The following PRPSAP1 variants were observed in gnomAD, a reference collection of about 807,000 sequenced individuals.
The protein encoded by PRPSAP1 is phosphoribosyl pyrophosphate synthase-associated protein 1.
In PRPSAP1, 31 loss-of-function variants were observed where a neutral mutation model predicts 39.4. The ratio of observed to expected loss-of-function variants is 0.79; its 90% CI spans 0.59 to 1.06. The LOEUF (loss-of-function observed/expected upper bound fraction) is 1.06. Among genes scored for constraint, PRPSAP1 ranks in the 50% least tolerant of loss-of-function variants. The pLI is 0.00. For missense variants in PRPSAP1, 430 were observed against 511.6 expected (o/e 0.84, Z 1.54); for synonymous variants, 212 against 192.6 (o/e 1.10, Z -0.83).
rs2071608366 is a variant in PRPSAP1 at position 76,353,711 on chromosome 17, C to T, written c.-8G>A. ...CAGCAGCTTCTTGGGCATCGTCCGG[C>T]CCGCGGCGCGGTTACGACCGGCCCC... is the stretch of plus-strand genomic sequence containing the variant. On this transcript the variant is annotated 5_prime_UTR_variant, in exon 1 of 10. Transcript: ENST00000446526. 6.9e-7 allele frequency: 1 copy of T among 1,457,116 alleles called. No homozygotes were observed. Among genetic ancestry groups the T allele is most frequent in the African/African-American group, 1.5e-5 (1 of 67,500 alleles). 90.3% of individuals were successfully genotyped at this position (1,457,116 alleles called of 1,614,324 possible).
In PRPSAP1 at chr17:76,353,686, C is replaced by T. The variant is rs1391307287; in HGVS notation, c.18G>A (p.Leu6=). The T allele has an allele frequency of 1.3e-6, 2 of 1,505,134 alleles. No individual in the cohort carries two copies. Among genetic ancestry groups the T allele is most frequent in the South Asian group, 1.3e-5 (1 of 79,456 alleles). The allele number at this position is 1,505,134 out of a possible 1,614,324, so 93.2% of individuals were successfully genotyped here. MPKKL[L]LLPPPSASSA... ...AGGACGCGGAGGGCGGGGGCAACAG[C>T]AGCAGCTTCTTGGGCATCGTCCGGC... is the stretch of plus-strand genomic sequence containing the variant. Residue 6 remains leucine, a synonymous_variant, in exon 1 of 10, where the codon CTG becomes CTA. Coordinates refer to ENST00000446526, the MANE Select transcript of PRPSAP1 (RefSeq NM_002766.3).
rs1042757349 is a variant in PRPSAP1, at chr17:76,332,438, G to T, written c.291-3C>A. 1.2e-5 allele frequency: 19 copies of T among 1,613,634 alleles called. 1 individual carries two copies. Among genetic ancestry groups the T allele is most frequent in the Non-Finnish European group, 1.5e-5 (18 of 1,179,728 alleles). ...CCATCACAGCTGTATTCACATCTCT[G>T]AAACAGTCAAAGTTTGTATTTGGGG... On this transcript the variant is annotated splice_polypyrimidine_tract_variant and splice_region_variant and intron_variant, in intron 3 of 9. Transcript: ENST00000446526.
At chr17:76,320,780 T>C (rs181578951) in intron 7 of PRPSAP1, among the ~76,000 whole-genome samples, 45 of 127,574 alleles carry the variant, frequency 3.5e-4, no homozygotes, top group Non-Finnish European at 4.5e-4. Context: ...GGAGCCATTT[T>C]TCTCTCTTTT....
At chr17:76,332,610 G>C (rs1252749186) in intron 3 of PRPSAP1, among the ~76,000 whole-genome samples, 175 bp from the exon 4 acceptor site, 1 of 152,142 alleles carries the variant, frequency 6.6e-6, no homozygotes, top group Admixed American at 6.6e-5. Context: ...ACTTTTTGTA[G>C]CTGAGTAAGC....
chr17:76,340,470 G>C lies in PRPSAP1; in HGVS notation c.290+4201C>G, dbSNP rs528224198. ...CCCCCAGCATCACTCTAGATTGCAC[G>C]TGTTAAATACTTATATTGAGCACTC... is the stretch of plus-strand genomic sequence containing the variant. On this transcript the variant is annotated intron_variant, in intron 3 of 9. Transcript: ENST00000446526. Among the ~76,000 whole-genome samples, 100 of 151,042 alleles carry C rather than the reference G, an allele frequency of 6.6e-4. 3 individuals carry two copies. The highest frequency in any genetic ancestry group is 2.4e-3 in the African/African-American group (96 of 40,452).
At position 76,320,582 on chromosome 17, in the gene PRPSAP1, G is replaced by A. The variant is rs760835471; in HGVS notation, c.782-6691C>T. On this transcript the variant is annotated intron_variant, in intron 7 of 9. Transcript: ENST00000446526. Reference sequence around the variant, plus strand: ...TGGGACTACAGGCACACACCACCACGTCCAGCTAATTTTTTTTTTTTTTTG... The same window carrying A: ...TGGGACTACAGGCACACACCACCACATCCAGCTAATTTTTTTTTTTTTTTG... Among the ~76,000 whole-genome samples, 31 of 145,626 alleles carry A rather than the reference G, an allele frequency of 2.1e-4. No homozygotes were observed. The East Asian group carries it at 2.8e-3, about 13-fold the overall frequency.
intron 3 of PRPSAP1, among the ~76,000 whole-genome samples, chr17:76,335,877 C>G (rs2071373127): frequency 6.6e-6 from 1 of 151,984 alleles, no homozygotes; most frequent in African/African-American, 2.4e-5. Flanking sequence ...ACCTGTAGTC[C>G]TAGCTATTCG....
At position 76,353,808 on chromosome 17, in the gene PRPSAP1, G is replaced by A. The variant is rs2071611120; in HGVS notation, c.-105C>T. ...GGGTGGGGAAGGCGCTGAGAAACTC[G>A]GCGCAAGCGGGGAGAGCTCCGAGGT... On this transcript the variant is annotated 5_prime_UTR_variant, in exon 1 of 10. Transcript: ENST00000446526. 7.2e-7 allele frequency: 1 copy of A among 1,387,680 alleles called. No individual in the cohort carries two copies. Among genetic ancestry groups the A allele is most frequent in the Non-Finnish European group, 9.3e-7 (1 of 1,079,166 alleles). 86.0% of individuals were successfully genotyped at this position (1,387,680 alleles called of 1,614,324 possible).
chr17:76,344,623 ATTG>A, intron 3 of PRPSAP1, 45 bp downstream of exon 3: 1 of 1,345,962 alleles, frequency 7.4e-7, no homozygotes. Flanking sequence ...AATCAATTAT[ATTG>A]TTAAGGTTTT....
At chr17:76,327,376 C>T (rs1377360753) in intron 7 of PRPSAP1, among the ~76,000 whole-genome samples, 3 of 132,014 alleles carry the variant, frequency 2.3e-5, no homozygotes, top group East Asian at 2.4e-4. Flanking sequence ...AAAAATAGGC[C>T]GGGCACGGTG....
chr17:76,351,245 G>A (rs979234240), intron 1 of PRPSAP1, among the ~76,000 whole-genome samples: 16 of 150,746 alleles, frequency 1.1e-4, no homozygotes, highest in African/African-American at 3.4e-4. Context: ...GGCCGGGCGC[G>A]GTGGCTCACG....
At chr17:76,320,127 G>C (rs140755708) in intron 7 of PRPSAP1, among the ~76,000 whole-genome samples, 2 of 151,918 alleles carry the variant, frequency 1.3e-5, no homozygotes, top group African/African-American at 2.4e-5. Context: ...AAAATTAGCC[G>C]GGTGTGGTGG....
At chr17:76,352,022 ATTTGT>A (rs1381295173) in intron 1 of PRPSAP1, among the ~76,000 whole-genome samples, 1 of 151,880 alleles carries the variant, frequency 6.6e-6, no homozygotes, top group Non-Finnish European at 1.5e-5. Flanking sequence ...AAAAGGATTG[ATTTGT>A]TTTTTTAACA....
intron 9 of PRPSAP1, 43 bp downstream of exon 9, chr17:76,312,827 A>C (rs1438240538): frequency 6.3e-7 from 1 of 1,578,400 alleles, no homozygotes; most frequent in Admixed American, 2.0e-5. Context: ...TTCCCAGAAA[A>C]CACAGCAGTA....
At chr17:76,340,482 T>A (rs2071423986) in intron 3 of PRPSAP1, among the ~76,000 whole-genome samples, 1 of 147,136 alleles carries the variant, frequency 6.8e-6, no homozygotes, top group Non-Finnish European at 1.5e-5. Flanking sequence ...GTTAAATACT[T>A]ATATTGAGCA....
chr17:76,318,404 C>G (rs770358811), intron 7 of PRPSAP1, among the ~76,000 whole-genome samples: 41 of 152,186 alleles, frequency 2.7e-4, no homozygotes, highest in Non-Finnish European at 5.3e-4. Flanking sequence ...GAGCTGGGAT[C>G]GCACCACTGC....
intron 3 of PRPSAP1, among the ~76,000 whole-genome samples, chr17:76,341,234 G>GTTTTTTTTTT (rs5822126): frequency 2.5e-5 from 3 of 119,976 alleles, no homozygotes; most frequent in Non-Finnish European, 3.5e-5. Context: ...ACTTTTTTTT[G>GTTTTTTTTTT]TTTTTTTTTT....
intron 1 of PRPSAP1, among the ~76,000 whole-genome samples, chr17:76,352,859 G>C (rs2071593595): frequency 6.6e-6 from 1 of 152,214 alleles, no homozygotes; most frequent in African/African-American, 2.4e-5. Context: ...GAGCTAGTAA[G>C]TGGCAAGGCT....
intron 8 of PRPSAP1, 40 bp from the exon 9 acceptor site, chr17:76,313,056 C>G: frequency 6.2e-7 from 1 of 1,601,982 alleles, no homozygotes; most frequent in Non-Finnish European, 8.5e-7. Flanking sequence ...AAAGAAACAC[C>G]CTCTAGCCCA....
Sources: allele counts gnomAD v4.1 joint callset (sites outside exome capture counted in the v4.1 genomes callset), GRCh38; gene constraint gnomAD v4.1.1; transcripts MANE v1.5; gene names NCBI Gene and HGNC (gene_info 2026-07-23, HGNC 2026-07-21).